Variants in RELA observed in about 807,000 individuals in gnomAD.
RELA encodes transcription factor p65.
In RELA, 14 loss-of-function variants were observed where a neutral mutation model predicts 56.7. The ratio of observed to expected loss-of-function variants is 0.25; its 90% CI spans 0.16 to 0.39. The LOEUF is 0.39. Ranked by LOEUF, RELA falls within the 10% of genes least tolerant of loss-of-function variation. The pLI, the probability that RELA is intolerant of heterozygous loss-of-function variation, is 1.00. For missense variants in RELA, 559 were observed against 736.4 expected (o/e 0.76, Z 2.79); for synonymous variants, 315 against 289.7 (o/e 1.09, Z -0.89).
In RELA at chr11:65,654,689, C is replaced by T; in HGVS notation, c.1345G>A (p.Asp449Asn). 1 of 1,546,244 alleles carries T rather than the reference C, an allele frequency of 6.5e-7. No homozygotes were observed. The highest frequency in any genetic ancestry group is 8.7e-7 in the Non-Finnish European group (1 of 1,148,016). The stretch of plus-strand genomic sequence containing the variant: ...CTGTTGCCAAGCAAGGCCCCCAGGT[C>T]TTCATCATCAAACTGCAGCTGCAGC... The part of the protein sequence containing the change: ...ALLQLQFDDE[D>N]LGALLGNSTD... Residue 449 changes from aspartate (D) to asparagine (N), a missense_variant, in exon 11 of 11, where the codon GAC (aspartate) becomes AAC (asparagine). By Grantham distance (23) the Asp-to-Asn change is conservative. Around this residue, in one of 4 missense-constraint regions of RELA, gnomAD observed 365 missense variants for 387.5 expected, o/e 0.94. Coordinates refer to ENST00000406246, the MANE Select transcript of RELA (RefSeq NM_021975.4).
chr11:65,662,886 TA>T lies in RELA; in HGVS notation c.-55del. 2 of 1,177,924 alleles carry T rather than the reference TA, an allele frequency of 1.7e-6. No individual in the cohort carries two copies. The highest frequency in any genetic ancestry group is 2.1e-6 in the Non-Finnish European group (2 of 951,776). 73.0% of individuals were successfully genotyped at this position (1,177,924 alleles called of 1,614,324 possible). A position where few individuals can be genotyped will look rare whatever the true frequency, so the allele number is the denominator to read the frequency against. ...TCGCAGCTGGGCCCGCGGCGTGCACTACAGACGAGCCATTCGCCAGAGGCGG... is the reference window on the plus strand; with the variant it reads ...TCGCAGCTGGGCCCGCGGCGTGCACTCAGACGAGCCATTCGCCAGAGGCGG... On this transcript the variant is annotated 5_prime_UTR_variant, in exon 1 of 11. It removes the in-frame stop codon of an upstream open reading frame in the 5' UTR. Transcript: ENST00000406246.
At chr11:65,662,732 G>C in intron 1 of RELA, 94 bp downstream of exon 1, 1 of 1,022,440 alleles carries the variant, frequency 9.8e-7, no homozygotes, top group Non-Finnish European at 1.2e-6. Flanking sequence ...AGCGCCCGTC[G>C]GCGCAGGAAG....
rs970318013 is a variant in RELA at position 65,662,815 on chromosome 11, G to A, written c.7+11C>T. The A allele has an allele frequency of 4.2e-5, 51 of 1,200,590 alleles. No homozygotes were observed. The African/African-American group carries it at 6.0e-4, about 14-fold the overall frequency. The allele number at this position is 1,200,590 out of a possible 1,614,324, so 74.4% of individuals were successfully genotyped here. On this transcript the variant is annotated intron_variant, in intron 1 of 10. Transcript: ENST00000406246. ...GCGATGCCACCCCGCGGGGTCAGAG[G>A]GCGACCTCACCGTCCATGGCCGGGG...
intron 8 of RELA, among the ~76,000 whole-genome samples, chr11:65,656,143 T>G (rs1257203758): frequency 6.6e-6 from 1 of 152,146 alleles, no homozygotes; most frequent in African/African-American, 2.4e-5. Context: ...AATCTGCCCC[T>G]CTAAGACCAC....
At chr11:65,656,207 G>A (rs983601720) in intron 8 of RELA, among the ~76,000 whole-genome samples, 2 of 152,162 alleles carry the variant, frequency 1.3e-5, no homozygotes, top group Admixed American at 6.6e-5. Context: ...GACCTGGGGG[G>A]CCCCAGCCTC....
At chr11:65,661,885 G>A in intron 3 of RELA, 50 bp from the exon 4 acceptor site, 1 of 1,603,164 alleles carries the variant, frequency 6.2e-7, no homozygotes, top group Non-Finnish European at 8.5e-7. Context: ...CCCAAACACA[G>A]AGGGCTGGGG....
At chr11:65,656,981 G>A (rs1856447762) in intron 8 of RELA, among the ~76,000 whole-genome samples, 1 of 152,090 alleles carries the variant, frequency 6.6e-6, no homozygotes. Context: ...AGCCGAGATT[G>A]CACCACTGCA....
chr11:65,662,484 A>C, intron 1 of RELA: 3 of 471,492 alleles, frequency 6.4e-6, no homozygotes, highest in Non-Finnish European at 1.1e-5. Flanking sequence ...GGCACGCCCC[A>C]CCTCCCTCCA....
chr11:65,655,420 T>C, intron 10 of RELA: 1 of 585,380 alleles, frequency 1.7e-6, no homozygotes, highest in South Asian at 2.1e-5. Context: ...TGATTTTTGT[T>C]CCCCCAATTC....
intron 4 of RELA, chr11:65,660,902 G>A (rs1856547285): frequency 1.3e-5 from 2 of 152,308 alleles, no homozygotes; most frequent in South Asian, 2.0e-4. Context: ...AGCCAGGCGT[G>A]GTGGCAGGCA....
chr11:65,662,870 G>C lies in RELA; in HGVS notation c.-38C>G. 1.7e-6 allele frequency: 2 copies of C among 1,187,824 alleles called. No individual in the cohort carries two copies. The highest frequency in any genetic ancestry group is 8.3e-5 in the South Asian group (2 of 23,964). 73.6% of individuals were successfully genotyped at this position (1,187,824 alleles called of 1,614,324 possible). A position where few individuals can be genotyped will look rare whatever the true frequency, so the allele number is the denominator to read the frequency against. On this transcript the variant is annotated 5_prime_UTR_variant, in exon 1 of 11. Coordinates refer to ENST00000406246, the MANE Select transcript of RELA (RefSeq NM_021975.4). ...GGGGGCGGGGCCGGGGTCGCAGCTGGGCCCGCGGCGTGCACTACAGACGAG... is the reference window on the plus strand; with the variant it reads ...GGGGGCGGGGCCGGGGTCGCAGCTGCGCCCGCGGCGTGCACTACAGACGAG...
At position 65,658,218 on chromosome 11, in the gene RELA, A is replaced by G; in HGVS notation, c.877+69T>C. The G allele has an allele frequency of 8.3e-7, 1 of 1,211,562 alleles. No homozygotes were observed. The allele number at this position is 1,211,562 out of a possible 1,614,324, so 75.1% of individuals were successfully genotyped here. A position where few individuals can be genotyped will look rare whatever the true frequency, so the allele number is the denominator to read the frequency against. On this transcript the variant is annotated intron_variant, in intron 8 of 10. Coordinates refer to ENST00000406246, the MANE Select transcript of RELA (RefSeq NM_021975.4). This position sits in a 1 kb window ranked among gnomAD's most constrained non-coding sequence, Gnocchi z 4.5. ...CTGGCCCTCAACCACAGCCCCAGAC[A>G]TGCAGTCTTGGCCTCTCTCTCACGG... is the stretch of plus-strand genomic sequence containing the variant.
rs1250019345 is a variant in RELA at position 65,658,154 on chromosome 11, G to A, written c.877+133C>T. 4 of 632,010 alleles carry A rather than the reference G, an allele frequency of 6.3e-6. No homozygotes were observed. The highest frequency in any genetic ancestry group is 5.6e-5 in the East Asian group (2 of 35,844). 39.2% of individuals were successfully genotyped at this position (632,010 alleles called of 1,614,324 possible). Reference sequence around the variant, plus strand: ...TTATTATTAAATGAGGCAAGAAATGGATTCCAGTTTCTTGGATCCCAAGCT... The same window carrying A: ...TTATTATTAAATGAGGCAAGAAATGAATTCCAGTTTCTTGGATCCCAAGCT... On this transcript the variant is annotated intron_variant, in intron 8 of 10. Coordinates refer to ENST00000406246, the MANE Select transcript of RELA (RefSeq NM_021975.4). This position sits in a 1 kb window ranked among gnomAD's most constrained non-coding sequence, Gnocchi z 4.5.
rs1856579892 is a variant in RELA at position 65,661,961 on chromosome 11, G to A, written c.162C>T (p.Thr54=). The A allele has an allele frequency of 1.2e-6, 2 of 1,613,882 alleles. No individual in the cohort carries two copies. The highest frequency in any genetic ancestry group is 1.7e-6 in the Non-Finnish European group (2 of 1,179,928). ...GSIPGERSTD[T]TKTHPTIKIN... The stretch of plus-strand genomic sequence containing the variant: ...CCTTGATGGTGGGGTGGGTCTTGGT[G>A]GTATCTGTGCTCCTCTCGCCTGGGA... Residue 54 remains threonine (T), a synonymous_variant, in exon 3 of 11, where the codon ACC becomes ACT. Transcript: ENST00000406246.
In RELA at chr11:65,654,969, C is replaced by T. The variant is rs143229162; in HGVS notation, c.1065G>A (p.Leu355=). 6.2e-7 allele frequency: 1 copy of T among 1,604,356 alleles called. No homozygotes were observed. The highest frequency in any genetic ancestry group is 1.3e-5 in the African/African-American group (1 of 74,982). The change falls in exon 11 of 11, where the codon CTG becomes CTA. Residue 355 remains leucine, a synonymous_variant. Coordinates refer to ENST00000406246, the MANE Select transcript of RELA (RefSeq NM_021975.4). The stretch of plus-strand genomic sequence containing the variant: ...GAAACTCATCATAGTTGATGGTGCT[C>T]AGGGATGACGTAAAGGGATAGGGCT... The part of the protein sequence containing the change: ...APQPYPFTSS[L]STINYDEFPT...
intron 5 of RELA, 69 bp from the exon 6 acceptor site, chr11:65,659,866 G>A: frequency 5.2e-6 from 8 of 1,541,836 alleles, no homozygotes; most frequent in Non-Finnish European, 7.0e-6. Flanking sequence ...TGGGGGCAGG[G>A]AGCTCTGCGC....
chr11:65,661,804 C>T lies in RELA; in HGVS notation c.218G>A (p.Arg73His), dbSNP rs1438780274. The T allele has an allele frequency of 1.2e-6, 2 of 1,613,380 alleles. No individual in the cohort carries two copies. The highest frequency in any genetic ancestry group is 1.7e-6 in the Non-Finnish European group (2 of 1,179,708). Reference sequence around the variant, plus strand: ...AGGGTCCTTGGTGACCAGGGAGATGCGCACTGTCCCTGGTCCTGTGTAGCC... The same window carrying T: ...AGGGTCCTTGGTGACCAGGGAGATGTGCACTGTCCCTGGTCCTGTGTAGCC... ...INGYTGPGTV[R>H]ISLVTKDPPH... Residue 73 changes from arginine to histidine, a missense_variant, in exon 4 of 11, where the codon CGC becomes CAC. Arg to His is a conservative substitution (Grantham distance 29). Transcript: ENST00000406246.
chr11:65,654,564 C>A lies in RELA; in HGVS notation c.1470G>T (p.Glu490Asp). The A allele has an allele frequency of 6.2e-7, 1 of 1,613,452 alleles. No homozygotes were observed. The change falls in exon 11 of 11, where the codon GAG becomes GAT. Residue 490 changes from glutamate to aspartate, a missense_variant. Physicochemically the swap from Glu to Asp is conservative, Grantham distance 45 (BLOSUM62 2). Transcript: ENST00000406246. ...QGIPVAPHTTEPMLMEYPEAI... is the reference protein window; with the variant it reads ...QGIPVAPHTTDPMLMEYPEAI... ...CCTCAGGGTACTCCATCAGCATGGG[C>A]TCAGTTGTGTGGGGGGCCACAGGTA...
intron 4 of RELA, chr11:65,661,466 G>A (rs1318942742): frequency 2.3e-6 from 1 of 442,168 alleles, no homozygotes; most frequent in South Asian, 5.9e-5. Flanking sequence ...CAGGAATTCA[G>A]AAGTGATTAG....
Sources: allele counts gnomAD v4.1 joint callset (sites outside exome capture counted in the v4.1 genomes callset), GRCh38; gene constraint gnomAD v4.1.1; regional missense constraint gnomAD v4.1.1; non-coding constraint Gnocchi (gnomAD v3.1); transcripts MANE v1.5; gene names NCBI Gene and HGNC (gene_info 2026-07-23, HGNC 2026-07-21).